RRP15: variants seen among roughly 807,000 people sequenced by gnomAD.
The protein encoded by RRP15 is ribosomal RNA processing 15 homolog, also known as RRP15-like protein.
A neutral mutation model predicts 27.1 loss-of-function variants in RRP15; 18 were observed. The observed-to-expected ratio is 0.66, with a 90% confidence interval of 0.46 to 0.98. The LOEUF is 0.98. Among genes scored for constraint, RRP15 ranks in the 50% least tolerant of loss-of-function variants. The pLI is 0.00. For synonymous variants in RRP15, 107 were observed against 109.4 expected (o/e 0.98, Z 0.14); for missense variants, 359 against 337.8 (o/e 1.06, Z -0.49).
intron 4 of RRP15, among the ~76,000 whole-genome samples, chr1:218,308,244 G>C (rs916866763): frequency 2.0e-5 from 3 of 151,370 alleles, no homozygotes; most frequent in Admixed American, 6.6e-5. Context: ...GCTAATTTTT[G>C]TATTTTTAGT....
At chr1:218,305,193 C>A in intron 3 of RRP15, 68 bp downstream of exon 3, 2 of 1,235,368 alleles carry the variant, frequency 1.6e-6, no homozygotes, top group Non-Finnish European at 2.3e-6. Context: ...CTATTTTTGA[C>A]CCAATTTGAT....
intron 3 of RRP15, among the ~76,000 whole-genome samples, chr1:218,305,724 C>T (rs1655888763): frequency 6.6e-6 from 1 of 152,050 alleles, no homozygotes; most frequent in African/African-American, 2.4e-5. Context: ...AACATTTGGG[C>T]TGCTGCTAAA....
intron 3 of RRP15, among the ~76,000 whole-genome samples, chr1:218,306,667 G>A (rs1655904799): frequency 6.6e-6 from 1 of 152,144 alleles, no homozygotes; most frequent in Non-Finnish European, 1.5e-5. Flanking sequence ...CAGGAGAAAT[G>A]AATGTGAGCT....
chr1:218,329,141 CTA>C (rs1656324674), intron 4 of RRP15, among the ~76,000 whole-genome samples: 1 of 143,058 alleles, frequency 7.0e-6, no homozygotes, highest in Non-Finnish European at 1.5e-5. Flanking sequence ...TGGCTCTTGC[CTA>C]TAATCCCAGC....
intron 4 of RRP15, among the ~76,000 whole-genome samples, chr1:218,315,297 TA>T (rs1656071284): frequency 6.6e-6 from 1 of 152,212 alleles, no homozygotes; most frequent in Non-Finnish European, 1.5e-5. Flanking sequence ...TCCAAATTGC[TA>T]TGTACTTTTA....
At position 218,337,780 on chromosome 1, in the gene RRP15, C is replaced by T. The variant is rs1366854515; in HGVS notation, c.*6689C>T. The T allele has an allele frequency of 6.6e-6, 1 of 152,104 alleles. No homozygotes were observed. The highest frequency in any genetic ancestry group is 1.5e-5 in the Non-Finnish European group (1 of 68,006). The allele number at this position is 152,104 out of a possible 1,614,324, so 9.4% of individuals were successfully genotyped here. On this transcript the variant is annotated 3_prime_UTR_variant, in exon 5 of 5. Coordinates refer to ENST00000366932, the MANE Select transcript of RRP15 (RefSeq NM_016052.4). ...ATTCTGTTCTAGAATCCAAACTCTACATACTGTTTAATAGAGCATTATTGA... is the reference window on the plus strand; with the variant it reads ...ATTCTGTTCTAGAATCCAAACTCTATATACTGTTTAATAGAGCATTATTGA...
rs1277434754 is a variant in RRP15 at position 218,307,540 on chromosome 1, G to C, written c.613G>C (p.Val205Leu). Residue 205 changes from valine (V) to leucine (L), a missense_variant, in exon 4 of 5, where the codon GTT (valine) becomes CTT (leucine). By Grantham distance (32) the Val-to-Leu change is conservative. Coordinates refer to ENST00000366932, the MANE Select transcript of RRP15 (RefSeq NM_016052.4). ...AAAGCGTGCTAAGTTGATATCAACTGTTTCCAAGAAAGATTTCATCAGTGT... is the reference window on the plus strand; with the variant it reads ...AAAGCGTGCTAAGTTGATATCAACTCTTTCCAAGAAAGATTTCATCAGTGT... Reference protein sequence around the residue: ...MRKRAKLISTVSKKDFISVLR... With the variant: ...MRKRAKLISTLSKKDFISVLR... 1.2e-6 allele frequency: 2 copies of C among 1,613,622 alleles called. No homozygotes were observed. The highest frequency in any genetic ancestry group is 3.3e-5 in the Admixed American group (2 of 60,022).
intron 1 of RRP15, among the ~76,000 whole-genome samples, chr1:218,296,293 T>G (rs904392199): frequency 6.6e-6 from 1 of 152,142 alleles, no homozygotes; most frequent in Non-Finnish European, 1.5e-5. Flanking sequence ...TTTGAGCATG[T>G]TTTTAACTTT....
chr1:218,285,475 C>T lies in RRP15; in HGVS notation c.139+20C>T. 1 of 1,613,160 alleles carries T rather than the reference C, an allele frequency of 6.2e-7. No individual in the cohort carries two copies. Among genetic ancestry groups the T allele is most frequent in the East Asian group, 2.2e-5 (1 of 44,824 alleles). On this transcript the variant is annotated intron_variant, in intron 1 of 4. Coordinates refer to ENST00000366932, the MANE Select transcript of RRP15 (RefSeq NM_016052.4). ...GTGAAGGTAATGTGGTAGGGCTGAGCTTTGGTGTCTGGGAGGAAAGGCGGG... is the reference window on the plus strand; with the variant it reads ...GTGAAGGTAATGTGGTAGGGCTGAGTTTTGGTGTCTGGGAGGAAAGGCGGG...
At chr1:218,298,087 A>T (rs1489809085) in intron 1 of RRP15, among the ~76,000 whole-genome samples, 2 of 152,096 alleles carry the variant, frequency 1.3e-5, no homozygotes. Context: ...TGCCAATAAT[A>T]ATATGATTAC....
chr1:218,304,544 A>G (rs1020156393), intron 2 of RRP15, among the ~76,000 whole-genome samples: 41 of 152,240 alleles, frequency 2.7e-4, no homozygotes, highest in Non-Finnish European at 5.9e-5. Context: ...GCATAGAAAA[A>G]TAGTCATTGT....
intron 4 of RRP15, among the ~76,000 whole-genome samples, chr1:218,308,860 C>T (rs908555506): frequency 1.3e-5 from 2 of 152,150 alleles, no homozygotes; most frequent in Non-Finnish European, 2.9e-5. Flanking sequence ...GCTGTATTCT[C>T]GCTAGTAACA....
In RRP15 at chr1:218,323,654, G is replaced by A. The variant is rs74143046; in HGVS notation, c.706-7294G>A. On this transcript the variant is annotated intron_variant, in intron 4 of 4. Coordinates refer to ENST00000366932, the MANE Select transcript of RRP15 (RefSeq NM_016052.4). Reference sequence around the variant, plus strand: ...TCTGCTTCCTGCCACTGCTCATGGCGCCCAGACTGTTCTGGCCAAGGAGTG... The same window carrying A: ...TCTGCTTCCTGCCACTGCTCATGGCACCCAGACTGTTCTGGCCAAGGAGTG... Among the ~76,000 whole-genome samples, 592 of 152,248 alleles carry A rather than the reference G, an allele frequency of 3.9e-3. 6 individuals carry two copies. Among genetic ancestry groups the A allele is most frequent in the African/African-American group, 0.014 (565 of 41,530 alleles).
At chr1:218,292,150 C>G (rs1445928195) in intron 1 of RRP15, among the ~76,000 whole-genome samples, 1 of 152,170 alleles carries the variant, frequency 6.6e-6, no homozygotes, top group Non-Finnish European at 1.5e-5. Context: ...ATTTTTCAAA[C>G]AACAAACTTT....
intron 4 of RRP15, among the ~76,000 whole-genome samples, chr1:218,308,062 CTTTTTTTTTT>C (rs56813511): frequency 2.8e-4 from 19 of 66,926 alleles, no homozygotes; most frequent in South Asian, 1.4e-3. Flanking sequence ...TTCTTTCTTT[CTTTTTTTTTT>C]TTTTTTTTTT....
chr1:218,304,918 T>C, intron 2 of RRP15, 110 bp from the exon 3 acceptor site: 2 of 1,023,198 alleles, frequency 2.0e-6, no homozygotes, highest in South Asian at 3.0e-5. Flanking sequence ...CCTGACAAAC[T>C]AAGCCAGAAT....
intron 1 of RRP15, among the ~76,000 whole-genome samples, chr1:218,299,797 CAT>C (rs1655781699): frequency 6.6e-6 from 1 of 152,116 alleles, no homozygotes; most frequent in Admixed American, 6.5e-5. Flanking sequence ...AAGAGTAAAA[CAT>C]ATACAGTATT....
chr1:218,305,358 T>A (rs1655882693), intron 3 of RRP15, among the ~76,000 whole-genome samples: 1 of 152,212 alleles, frequency 6.6e-6, no homozygotes. Context: ...ATCTTGTTTT[T>A]ATAGTCACGA....
At chr1:218,285,590 G>T in intron 1 of RRP15, 135 bp downstream of exon 1, 2 of 1,096,160 alleles carry the variant, frequency 1.8e-6, no homozygotes, top group Non-Finnish European at 1.3e-6. Flanking sequence ...GGCGACTTTG[G>T]CTTAGTGAGG....
Sources: gnomAD v4.1 joint callset for allele counts (sites outside exome capture counted in the v4.1 genomes callset) on GRCh38, gnomAD v4.1.1 for gene constraint, MANE v1.5 for transcripts, NCBI Gene and HGNC (gene_info 2026-07-23, HGNC 2026-07-21) for gene names.